Variants in SNX13 observed in about 807,000 individuals in gnomAD.
SNX13 encodes sorting nexin 13, also known as sorting nexin-13.
A neutral mutation model predicts 133.6 loss-of-function variants in SNX13; 45 were observed. The ratio of observed to expected loss-of-function variants is 0.34; its 90% CI spans 0.27 to 0.43. The LOEUF is 0.43. SNX13 is among the 20% of genes least tolerant of loss of function. The probability of loss-of-function intolerance (pLI) is 1.00; values close to 1 mark genes in which losing one functional copy is unlikely to be tolerated. For missense variants in SNX13, 1,032 were observed against 1,145.1 expected, an observed-to-expected ratio of 0.90 and a Z score of 1.43; for synonymous variants, 414 against 373.9, an observed-to-expected ratio of 1.11 and a Z score of -1.24.
chr7:17,840,180 C>T (rs1028074479), intron 12 of SNX13, among the ~76,000 whole-genome samples, 180 bp from the exon 13 acceptor site: 2 of 151,932 alleles, frequency 1.3e-5, no homozygotes, highest in Admixed American at 6.6e-5. Context: ...GCTAAAAAAC[C>T]AGTTATGTTA....
chr7:17,830,021 T>C lies in SNX13; in HGVS notation c.1624A>G (p.Ser542Gly). 1 of 1,536,184 alleles carries C rather than the reference T, an allele frequency of 6.5e-7. No individual in the cohort carries two copies. The highest frequency in any genetic ancestry group is 8.8e-7 in the Non-Finnish European group (1 of 1,136,684). Residue 542 changes from serine to glycine, a missense_variant, in exon 16 of 26, where the codon AGC becomes GGC. Physicochemically the swap from Ser to Gly is moderately conservative, Grantham distance 56 (BLOSUM62 0). Transcript: ENST00000428135. ...GESFNGSPTG[S>G]INLSLDDLSN... ...ATAATAGTACTTACCAAATTTATGC[T>C]TCCTGTAGGAGACCCATTAAAAGAT...
intron 18 of SNX13, among the ~76,000 whole-genome samples, chr7:17,819,640 G>A (rs1223852336): frequency 6.6e-6 from 1 of 152,110 alleles, no homozygotes; most frequent in African/African-American, 2.4e-5. Context: ...AGGCTATACT[G>A]TGACCAACTG....
chr7:17,918,858 C>G lies in SNX13; in HGVS notation c.13-21412G>C, dbSNP rs191701805. 6.6e-5 allele frequency among the ~76,000 whole-genome samples: 10 copies of G among 152,262 alleles called. No individual in the cohort carries two copies. In the East Asian group the frequency reaches 1.9e-3, roughly 29 times the overall value. On this transcript the variant is annotated intron_variant, in intron 1 of 25. Transcript: ENST00000428135. ...CAAAGGCATGGAATTAACCTAGATG[C>G]CCATCAATGGTGGACTGGATAAAGA...
At chr7:17,931,191 T>C (rs1801355262) in intron 1 of SNX13, among the ~76,000 whole-genome samples, 2 of 152,214 alleles carry the variant, frequency 1.3e-5, no homozygotes, top group South Asian at 2.1e-4. Context: ...ATATTAATAG[T>C]TGCAGTCTGA....
chr7:17,922,729 C>T (rs574837468), intron 1 of SNX13, among the ~76,000 whole-genome samples: 5 of 149,376 alleles, frequency 3.3e-5, no homozygotes, highest in East Asian at 2.0e-4. Context: ...ATTTAGAGTA[C>T]GAAGTGTAGC....
chr7:17,905,858 T>A (rs1798343780), intron 1 of SNX13, among the ~76,000 whole-genome samples: 1 of 152,210 alleles, frequency 6.6e-6, no homozygotes, highest in African/African-American at 2.4e-5. Context: ...CAGACTGGAA[T>A]GCAGTGGTGC....
chr7:17,915,743 A>G (rs1032104321), intron 1 of SNX13, among the ~76,000 whole-genome samples: 11 of 152,214 alleles, frequency 7.2e-5, no homozygotes, highest in Non-Finnish European at 1.3e-4. Context: ...CATAAGATAG[A>G]TCAACAAGGC....
intron 3 of SNX13, 88 bp from the exon 4 acceptor site, chr7:17,891,723 C>A (rs1796652117): frequency 1.3e-6 from 1 of 793,272 alleles, no homozygotes; most frequent in South Asian, 1.7e-5. Flanking sequence ...AATGTAACAT[C>A]CCTTCATTAT....
At chr7:17,837,669 T>C (rs1440726037) in intron 13 of SNX13, among the ~76,000 whole-genome samples, 2 of 151,966 alleles carry the variant, frequency 1.3e-5, no homozygotes, top group Admixed American at 6.6e-5. Flanking sequence ...TTTAAATACT[T>C]TGAAGCATAA....
At chr7:17,809,839 TG>T (rs1465090478) in intron 20 of SNX13, among the ~76,000 whole-genome samples, 2 of 152,044 alleles carry the variant, frequency 1.3e-5, no homozygotes, top group African/African-American at 4.8e-5. Flanking sequence ...CACAACTACA[TG>T]GAAACTGAAC....
chr7:17,854,498 G>A (rs754436677), intron 9 of SNX13, among the ~76,000 whole-genome samples: 2 of 152,038 alleles, frequency 1.3e-5, no homozygotes, highest in Admixed American at 6.6e-5. Flanking sequence ...TTCTAGCAAC[G>A]CTGTGTCCAG....
intron 24 of SNX13, 141 bp from the exon 25 acceptor site, chr7:17,797,080 G>T: frequency 1.5e-6 from 1 of 659,494 alleles, no homozygotes; most frequent in Non-Finnish European, 2.6e-6. Flanking sequence ...TAGCTATAAT[G>T]ATATTCAAGA....
At chr7:17,817,280 G>A (rs2128299410) in intron 18 of SNX13, among the ~76,000 whole-genome samples, 1 of 152,296 alleles carries the variant, frequency 6.6e-6, no homozygotes, top group African/African-American at 2.4e-5. Context: ...TGCTAAAATA[G>A]TTTAAGAGCA....
chr7:17,854,851 G>GT (rs1172781670), intron 9 of SNX13, among the ~76,000 whole-genome samples: 2 of 152,106 alleles, frequency 1.3e-5, no homozygotes, highest in Non-Finnish European at 2.9e-5. Context: ...CAAGCAAAAG[G>GT]AAGAGCCACA....
intron 23 of SNX13, 22 bp from the exon 24 acceptor site, chr7:17,798,780 T>G: frequency 6.6e-7 from 1 of 1,508,322 alleles, no homozygotes; most frequent in Non-Finnish European, 8.9e-7. Context: ...TTAATGTAAA[T>G]GAGGAAGGTT....
intron 21 of SNX13, 72 bp downstream of exon 21, chr7:17,803,347 C>CAA (rs902422926): frequency 7.2e-7 from 1 of 1,398,056 alleles, no homozygotes; most frequent in African/African-American, 1.4e-5. Context: ...AAGGTAAATC[C>CAA]AACCAGAATT....
chr7:17,801,009 CATATATATATATAT>C (rs71010273), intron 22 of SNX13, among the ~76,000 whole-genome samples: 122 of 120,168 alleles, frequency 1.0e-3, no homozygotes, highest in Middle Eastern at 8.2e-3. Context: ...TAAAACTGAA[CATATATATATATAT>C]ATATATATAT....
intron 16 of SNX13, among the ~76,000 whole-genome samples, chr7:17,829,781 G>T (rs953566750): frequency 2.6e-5 from 4 of 151,064 alleles, no homozygotes; most frequent in African/African-American, 9.7e-5. Flanking sequence ...AATTATGCAG[G>T]TATAACCTAA....
intron 11 of SNX13, among the ~76,000 whole-genome samples, chr7:17,849,295 T>TAA (rs1790924084): frequency 1.3e-5 from 2 of 152,204 alleles, no homozygotes; most frequent in African/African-American, 4.8e-5. Context: ...TTATTTTTTC[T>TAA]TTCTCACCCC....
Sources: allele counts gnomAD v4.1 joint callset (sites outside exome capture counted in the v4.1 genomes callset), GRCh38; gene constraint gnomAD v4.1.1; transcripts MANE v1.5; gene names NCBI Gene and HGNC (gene_info 2026-07-23, HGNC 2026-07-21).